Variants in LRRTM4 observed in about 807,000 individuals in gnomAD.
The protein encoded by LRRTM4 is leucine rich repeat transmembrane neuronal 4, also known as leucine-rich repeat transmembrane neuronal protein 4.
Under a neutral mutation model 47.6 loss-of-function variants are expected in LRRTM4, and 25 were observed. The ratio of observed to expected loss-of-function variants is 0.53; its 90% CI spans 0.38 to 0.73. The LOEUF is 0.73. Ranked by LOEUF, LRRTM4 falls within the 30% of genes least tolerant of loss-of-function variation. The pLI is 0.00. For missense variants in LRRTM4, 638 were observed against 713.4 expected (o/e 0.89, Z 1.20); for synonymous variants, 311 against 269.5 (o/e 1.15, Z -1.51).
At chr2:77,488,710 T>C (rs900612847) in intron 3 of LRRTM4, among the ~76,000 whole-genome samples, 5 of 152,174 alleles carry the variant, frequency 3.3e-5, no homozygotes, top group East Asian at 1.9e-4. Flanking sequence ...ATCTAGTCAA[T>C]TGCAGAATTT....
intron 3 of LRRTM4, among the ~76,000 whole-genome samples, chr2:77,491,819 C>A (rs564986161): frequency 2.4e-4 from 37 of 151,626 alleles, no homozygotes; most frequent in African/African-American, 8.5e-4. Context: ...TGGGAGACAT[C>A]AGAAATTTTA....
intron 3 of LRRTM4, among the ~76,000 whole-genome samples, chr2:76,771,165 A>T (rs1376640897): frequency 6.6e-6 from 1 of 152,230 alleles, no homozygotes; most frequent in Non-Finnish European, 1.5e-5. Flanking sequence ...TTGAAAATAC[A>T]GTGACACAAT....
At chr2:77,310,939 T>G (rs80003994) in intron 3 of LRRTM4, among the ~76,000 whole-genome samples, 4,611 of 151,944 alleles carry the variant, frequency 0.03, 187 homozygotes, top group African/African-American at 0.091. Flanking sequence ...CACATATATA[T>G]AGAGAGAATA....
chr2:77,009,205 A>G (rs1677777593), intron 3 of LRRTM4: 1 of 152,136 alleles, frequency 6.6e-6, no homozygotes, highest in Admixed American at 6.6e-5. Context: ...GGACCAACAC[A>G]AAGGAAAAAA....
intron 3 of LRRTM4, among the ~76,000 whole-genome samples, chr2:77,144,934 G>A (rs1202725264): frequency 3.3e-5 from 5 of 152,136 alleles, no homozygotes; most frequent in Admixed American, 3.3e-4. Context: ...GGGAAAAGGT[G>A]AAATTAGAAA....
At chr2:77,048,344 G>A (rs1208981255) in intron 3 of LRRTM4, among the ~76,000 whole-genome samples, 1 of 152,002 alleles carries the variant, frequency 6.6e-6, no homozygotes, top group Non-Finnish European at 1.5e-5. Flanking sequence ...GCATTTAGGT[G>A]TTATAATGAA....
chr2:77,069,490 A>G (rs1680079029), intron 3 of LRRTM4, among the ~76,000 whole-genome samples: 1 of 151,642 alleles, frequency 6.6e-6, no homozygotes, highest in African/African-American at 2.4e-5. Flanking sequence ...CTGTTTTTAA[A>G]TATTTGGTAG....
chr2:77,169,222 G>A (rs1044696059), intron 3 of LRRTM4, among the ~76,000 whole-genome samples: 5 of 152,030 alleles, frequency 3.3e-5, no homozygotes, highest in African/African-American at 4.8e-5. Flanking sequence ...AGTCCTAGCC[G>A]GAGCAATCAG....
chr2:77,454,815 A>C (rs1339524455), intron 3 of LRRTM4, among the ~76,000 whole-genome samples: 1 of 152,194 alleles, frequency 6.6e-6, no homozygotes, highest in African/African-American at 2.4e-5. Flanking sequence ...ATGCCCAATC[A>C]ATATGTGTTG....
intron 3 of LRRTM4, among the ~76,000 whole-genome samples, chr2:76,822,789 G>A (rs1671089899): frequency 1.3e-5 from 2 of 151,366 alleles, no homozygotes; most frequent in South Asian, 4.1e-4. Flanking sequence ...TTCAGAGATT[G>A]AGTTTATTTA....
At chr2:77,057,073 T>G (rs1202610466) in intron 3 of LRRTM4, among the ~76,000 whole-genome samples, 1 of 152,246 alleles carries the variant, frequency 6.6e-6, no homozygotes. Context: ...GAGTACTGTA[T>G]GGTCTACAAA....
At chr2:76,856,582 C>T (rs1396533099) in intron 3 of LRRTM4, among the ~76,000 whole-genome samples, 1 of 151,900 alleles carries the variant, frequency 6.6e-6, no homozygotes. Flanking sequence ...CTACAAGAGC[C>T]ACTTTAATAG....
At chr2:76,868,065 C>T (rs540344919) in intron 3 of LRRTM4, among the ~76,000 whole-genome samples, 2 of 152,158 alleles carry the variant, frequency 1.3e-5, no homozygotes, top group Admixed American at 6.5e-5. Flanking sequence ...TCAGATGTTC[C>T]GTCCTACACA....
At chr2:77,095,180 T>C (rs1382252303) in intron 3 of LRRTM4, among the ~76,000 whole-genome samples, 1 of 152,034 alleles carries the variant, frequency 6.6e-6, no homozygotes, top group Non-Finnish European at 1.5e-5. Context: ...ATCAGGAAAA[T>C]GCAAATTAAA....
intron 3 of LRRTM4, among the ~76,000 whole-genome samples, chr2:76,924,447 C>G (rs1462231290): frequency 6.6e-6 from 1 of 151,982 alleles, no homozygotes; most frequent in Admixed American, 6.6e-5. Context: ...AGCTAAAGCC[C>G]CATCCATGCA....
chr2:76,855,870 T>C (rs1672134280), intron 3 of LRRTM4, among the ~76,000 whole-genome samples: 1 of 152,132 alleles, frequency 6.6e-6, no homozygotes, highest in African/African-American at 2.4e-5. Flanking sequence ...GAAGCAGTAG[T>C]ACAACTCACC....
At position 77,018,697 on chromosome 2, in the gene LRRTM4, T is replaced by A. The variant is rs150336610; in HGVS notation, c.1552-269781A>T. Reference sequence around the variant, plus strand: ...AATAGTTCAGAAGTACAGCTGAAGGTTTACCACAACTCAGAAAACTTTCTA... The same window carrying A: ...AATAGTTCAGAAGTACAGCTGAAGGATTACCACAACTCAGAAAACTTTCTA... On this transcript the variant is annotated intron_variant, in intron 3 of 3. Transcript: ENST00000409884. 3.5e-3 allele frequency among the ~76,000 whole-genome samples: 532 copies of A among 152,282 alleles called. 1 individual carries two copies. Among genetic ancestry groups the A allele is most frequent in the African/African-American group, 0.012 (508 of 41,574 alleles).
intron 3 of LRRTM4, among the ~76,000 whole-genome samples, chr2:77,422,361 C>T (rs887768739): frequency 1.3e-5 from 2 of 152,098 alleles, no homozygotes; most frequent in Non-Finnish European, 2.9e-5. Flanking sequence ...CCATATAAGC[C>T]ATACTTTGTC....
intron 3 of LRRTM4, among the ~76,000 whole-genome samples, chr2:77,125,654 T>G (rs989748575): frequency 3.3e-5 from 5 of 152,188 alleles, no homozygotes; most frequent in African/African-American, 1.2e-4. Flanking sequence ...AAAACCAAAG[T>G]GCATGCATTC....
Sources: gnomAD v4.1 joint callset for allele counts (sites outside exome capture counted in the v4.1 genomes callset) on GRCh38, gnomAD v4.1.1 for gene constraint, MANE v1.5 for transcripts, NCBI Gene and HGNC (gene_info 2026-07-23, HGNC 2026-07-21) for gene names.